Variants in PNLIPRP3 observed in about 807,000 individuals in gnomAD.
PNLIPRP3 encodes pancreatic lipase related protein 3.
Under a neutral mutation model 52.8 loss-of-function variants are expected in PNLIPRP3, and 58 were observed. The observed-to-expected ratio is 1.10, with a 90% CI of 0.89 to 1.37. The LOEUF is 1.37. Ranked by LOEUF, PNLIPRP3 falls within the 40% of genes most tolerant of loss-of-function variation. The pLI, the probability that PNLIPRP3 is intolerant of heterozygous loss-of-function variation, is 0.00. For missense variants in PNLIPRP3, 593 were observed against 561.6 expected, an observed-to-expected ratio of 1.06 and a Z score of -0.57; for synonymous variants, 192 against 185.0, an observed-to-expected ratio of 1.04 and a Z score of -0.31.
chr10:116,475,501 G>A lies in PNLIPRP3; in HGVS notation c.1173-1151G>A, dbSNP rs577146281. On this transcript the variant is annotated intron_variant, in intron 10 of 11. Transcript: ENST00000369230. ...TGACATAAAGGGCTGCAATGTATGG[G>A]CAATGAGTGAAGATAGTTCTTGGAA... is the stretch of plus-strand genomic sequence containing the variant. Among the ~76,000 whole-genome samples the A allele has an allele frequency of 2.6e-5, 4 of 152,296 alleles. No homozygotes were observed. The East Asian group carries it at 5.8e-4, about 22-fold the overall frequency.
rs1846065002 is a variant in PNLIPRP3, at chr10:116,453,314, C to T, written c.457-2408C>T. ...AGTAAATAACTTGTTTTTTATTTTACAGGCTCATAGGTAAAAGGAACTTGG... is the reference window on the plus strand; with the variant it reads ...AGTAAATAACTTGTTTTTTATTTTATAGGCTCATAGGTAAAAGGAACTTGG... On this transcript the variant is annotated intron_variant, in intron 4 of 11. Transcript: ENST00000369230. 3.9e-5 allele frequency among the ~76,000 whole-genome samples: 6 copies of T among 152,250 alleles called. No individual in the cohort carries two copies. The South Asian group carries it at 1.2e-3, about 32-fold the overall frequency.
chr10:116,436,136 A>G (rs1845770711), intron 1 of PNLIPRP3, among the ~76,000 whole-genome samples: 1 of 152,200 alleles, frequency 6.6e-6, no homozygotes, highest in Non-Finnish European at 1.5e-5. Flanking sequence ...AAAATTGGAT[A>G]TCCACATTCA....
intron 4 of PNLIPRP3, among the ~76,000 whole-genome samples, chr10:116,453,931 C>G (rs972573580): frequency 3.3e-5 from 5 of 152,024 alleles, no homozygotes; most frequent in Non-Finnish European, 7.4e-5. Flanking sequence ...TGCTCTCCCT[C>G]CCCTTGTCCC....
intron 1 of PNLIPRP3, among the ~76,000 whole-genome samples, 172 bp downstream of exon 1, chr10:116,428,233 T>C (rs1845664561): frequency 6.6e-6 from 1 of 152,166 alleles, no homozygotes; most frequent in Non-Finnish European, 1.5e-5. Context: ...TTTCTTTGTA[T>C]TTATTTATTT....
chr10:116,436,394 T>C (rs1284042071), intron 1 of PNLIPRP3, among the ~76,000 whole-genome samples: 1 of 152,180 alleles, frequency 6.6e-6, no homozygotes, highest in Non-Finnish European at 1.5e-5. Context: ...AAAACTCCTA[T>C]GAGAAAACAT....
chr10:116,445,364 C>A (rs1408796179), intron 4 of PNLIPRP3, among the ~76,000 whole-genome samples: 1 of 152,118 alleles, frequency 6.6e-6, no homozygotes, highest in Non-Finnish European at 1.5e-5. Context: ...TATGAGCAAC[C>A]AGGTTAGGTG....
chr10:116,431,475 A>G (rs1252206117), intron 1 of PNLIPRP3, among the ~76,000 whole-genome samples: 2 of 152,172 alleles, frequency 1.3e-5, no homozygotes. Context: ...ATTTTGAAAC[A>G]TGCTATGGTA....
At chr10:116,453,647 C>T (rs1846070905) in intron 4 of PNLIPRP3, among the ~76,000 whole-genome samples, 1 of 152,078 alleles carries the variant, frequency 6.6e-6, no homozygotes, top group South Asian at 2.1e-4. Flanking sequence ...TTAGTTCACA[C>T]AAGATCTGAT....
intron 5 of PNLIPRP3, among the ~76,000 whole-genome samples, chr10:116,457,740 C>A (rs930600475): frequency 6.6e-6 from 1 of 152,192 alleles, no homozygotes; most frequent in Non-Finnish European, 1.5e-5. Flanking sequence ...TGAAGCAGAA[C>A]ACATAACTGC....
intron 4 of PNLIPRP3, among the ~76,000 whole-genome samples, chr10:116,445,783 G>C (rs188159293): frequency 6.6e-6 from 1 of 152,148 alleles, no homozygotes; most frequent in African/African-American, 2.4e-5. Context: ...TGGGCTCCAG[G>C]GCCTCTGGGG....
chr10:116,469,353 A>G (rs1169021959), intron 9 of PNLIPRP3, 36 bp downstream of exon 9: 7 of 1,557,046 alleles, frequency 4.5e-6, no homozygotes, highest in Non-Finnish European at 6.1e-6. Context: ...GTAATGCTTT[A>G]AGGTACTTAT....
At chr10:116,474,008 A>G (rs2133161128) in intron 10 of PNLIPRP3, among the ~76,000 whole-genome samples, 1 of 152,178 alleles carries the variant, frequency 6.6e-6, no homozygotes, top group Non-Finnish European at 1.5e-5. Flanking sequence ...AAAAAGAACA[A>G]AGCTGGAGGC....
chr10:116,459,288 A>T (rs1303797744), intron 5 of PNLIPRP3, among the ~76,000 whole-genome samples: 3 of 151,930 alleles, frequency 2.0e-5, no homozygotes, highest in South Asian at 2.1e-4. Flanking sequence ...AAATAAAAAA[A>T]AAAAAAAACA....
At chr10:116,429,060 A>G (rs1404018922) in intron 1 of PNLIPRP3, among the ~76,000 whole-genome samples, 1 of 152,116 alleles carries the variant, frequency 6.6e-6, no homozygotes, top group African/African-American at 2.4e-5. Flanking sequence ...AATAAGATGC[A>G]AGTTGACCAT....
chr10:116,475,168 C>T (rs1355359135), intron 10 of PNLIPRP3, among the ~76,000 whole-genome samples: 2 of 152,140 alleles, frequency 1.3e-5, no homozygotes, highest in African/African-American at 2.4e-5. Flanking sequence ...TTATCCTTAG[C>T]AAACTAATGC....
chr10:116,443,801 GCA>G (rs1491293800), intron 3 of PNLIPRP3, among the ~76,000 whole-genome samples: 789 of 11,122 alleles, frequency 0.071, 13 homozygotes, highest in Non-Finnish European at 0.12. Context: ...ATGTGTGTGT[GCA>G]TATATATATA....
At chr10:116,456,621 G>A (rs755675354) in intron 5 of PNLIPRP3, among the ~76,000 whole-genome samples, 4 of 152,228 alleles carry the variant, frequency 2.6e-5, no homozygotes, top group South Asian at 4.2e-4. Flanking sequence ...AATAAGTTGC[G>A]GAGCAAAGTA....
Position 116,427,949 on chromosome 10 carries a change from T to C in PNLIPRP3, c.-64T>C, listed in dbSNP as rs1229140590. ...AGGAAAACCACTTAGTATTTTATAG[T>C]GAGGTGACTTTACAAGTAAAGATCT... On this transcript the variant is annotated 5_prime_UTR_variant, in exon 1 of 12. Coordinates refer to ENST00000369230, the MANE Select transcript of PNLIPRP3 (RefSeq NM_001011709.3). 1.9e-5 allele frequency: 24 copies of C among 1,242,682 alleles called. No homozygotes were observed. The highest frequency in any genetic ancestry group is 4.5e-5 in the African/African-American group (3 of 67,170). The allele number at this position is 1,242,682 out of a possible 1,614,324, so 77.0% of individuals were successfully genotyped here.
At chr10:116,450,008 A>G (rs1846012266) in intron 4 of PNLIPRP3, among the ~76,000 whole-genome samples, 1 of 152,238 alleles carries the variant, frequency 6.6e-6, no homozygotes, top group Non-Finnish European at 1.5e-5. Context: ...CAATGGGTCA[A>G]AGAATAAATC....
Sources: gnomAD v4.1 joint callset for allele counts (sites outside exome capture counted in the v4.1 genomes callset) on GRCh38, gnomAD v4.1.1 for gene constraint, MANE v1.5 for transcripts, NCBI Gene and HGNC (gene_info 2026-07-23, HGNC 2026-07-21) for gene names.